The following RGS22 variants were observed in gnomAD, a reference collection of about 807,000 sequenced individuals.
RGS22 encodes the protein regulator of G-protein signaling 22.
Under a neutral mutation model 172.9 loss-of-function variants are expected in RGS22, and 148 were observed. The ratio of observed to expected loss-of-function variants is 0.86; its 90% CI spans 0.75 to 0.98. RGS22 has a LOEUF of 0.98. RGS22 is among the 50% of genes least tolerant of loss of function. RGS22 has a pLI of 0.00. For synonymous variants in RGS22, 458 were observed against 480.2 expected, an observed-to-expected ratio of 0.95 and a Z score of 0.60; for missense variants, 1,347 against 1,440.8, an observed-to-expected ratio of 0.93 and a Z score of 1.05.
intron 14 of RGS22, among the ~76,000 whole-genome samples, chr8:100,032,400 A>G (rs1818919025): frequency 6.6e-6 from 1 of 152,150 alleles, no homozygotes; most frequent in Non-Finnish European, 1.5e-5. Context: ...TAAACCAACA[A>G]AGATCAAAAG....
rs772018506 is a variant in RGS22 at position 99,962,721 on chromosome 8, A to T, written c.3756T>A (p.Ser1252=). 6.2e-7 allele frequency: 1 copy of T among 1,611,688 alleles called. No individual in the cohort carries two copies. Among genetic ancestry groups the T allele is most frequent in the Non-Finnish European group, 8.5e-7 (1 of 1,179,406 alleles). The part of the protein sequence containing the change: ...TNFKASSSTM[S]LKKNMSAHSS... Reference sequence around the variant, plus strand: ...TGTGGGCAGACATATTCTTTTTCAAAGACATAGTTGAAGAGCTAGCCTTAA... The same window carrying T: ...TGTGGGCAGACATATTCTTTTTCAATGACATAGTTGAAGAGCTAGCCTTAA... Residue 1252 remains serine, a synonymous_variant, in exon 26 of 28, where the codon TCT becomes TCA. Coordinates refer to ENST00000360863, the MANE Select transcript of RGS22 (RefSeq NM_015668.5).
At chr8:99,966,459 G>GA (rs141241510) in intron 23 of RGS22, among the ~76,000 whole-genome samples, 8 of 149,392 alleles carry the variant, frequency 5.4e-5, no homozygotes, top group African/African-American at 9.8e-5. Flanking sequence ...CTTAAAAAAA[G>GA]AAAAAAAAAC....
chr8:100,101,640 T>C (rs1195279717), intron 2 of RGS22, among the ~76,000 whole-genome samples: 1 of 151,822 alleles, frequency 6.6e-6, no homozygotes, highest in Non-Finnish European at 1.5e-5. Context: ...CTTTAAACTT[T>C]CTCAATGTGT....
At chr8:100,083,671 T>G (rs1358513664) in intron 3 of RGS22, among the ~76,000 whole-genome samples, 1 of 151,596 alleles carries the variant, frequency 6.6e-6, no homozygotes, top group African/African-American at 2.4e-5. Context: ...CAGCCAACAA[T>G]TACTTTTATA....
chr8:100,055,467 A>G (rs1465629485), intron 9 of RGS22, among the ~76,000 whole-genome samples: 1 of 152,224 alleles, frequency 6.6e-6, no homozygotes, highest in African/African-American at 2.4e-5. Flanking sequence ...AGCTTATATC[A>G]CAATACCCAA....
At chr8:100,022,800 C>G (rs1817756298) in intron 14 of RGS22, among the ~76,000 whole-genome samples, 1 of 151,906 alleles carries the variant, frequency 6.6e-6, no homozygotes, top group South Asian at 2.1e-4. Flanking sequence ...GGTTGGAGTG[C>G]AGTGGCGCAG....
chr8:100,024,907 A>C (rs1818007723), intron 14 of RGS22, among the ~76,000 whole-genome samples: 1 of 152,142 alleles, frequency 6.6e-6, no homozygotes, highest in Non-Finnish European at 1.5e-5. Context: ...AGAACCTAAC[A>C]GAAACATTAA....
At chr8:100,104,526 A>C (rs1813770586) in intron 2 of RGS22, among the ~76,000 whole-genome samples, 1 of 152,036 alleles carries the variant, frequency 6.6e-6, no homozygotes, top group African/African-American at 2.4e-5. Context: ...GAGCTCTGGA[A>C]AGGTGAATGT....
intron 3 of RGS22, among the ~76,000 whole-genome samples, chr8:100,086,088 A>G (rs1812139696): frequency 1.3e-5 from 2 of 152,150 alleles, no homozygotes; most frequent in Admixed American, 1.3e-4. Context: ...TAGACAAGGG[A>G]GAAGAGGGGG....
At chr8:100,031,274 AT>A (rs201055834) in intron 14 of RGS22, among the ~76,000 whole-genome samples, 4 of 151,374 alleles carry the variant, frequency 2.6e-5, no homozygotes, top group East Asian at 3.9e-4. Context: ...ACATTCTGTG[AT>A]TTTTTTTTGC....
chr8:100,005,626 G>A (rs911681465), intron 16 of RGS22, among the ~76,000 whole-genome samples: 9 of 151,908 alleles, frequency 5.9e-5, no homozygotes, highest in African/African-American at 9.7e-5. Context: ...TCGCTGTCAC[G>A]CAACAGTTTC....
intron 14 of RGS22, among the ~76,000 whole-genome samples, chr8:100,025,848 C>CG (rs1323191381): frequency 6.6e-6 from 1 of 152,160 alleles, no homozygotes; most frequent in Non-Finnish European, 1.5e-5. Flanking sequence ...CCAAATTTTA[C>CG]GGGGGAGGAG....
chr8:100,051,756 T>TAC (rs1821510236), intron 10 of RGS22, among the ~76,000 whole-genome samples: 1 of 88,150 alleles, frequency 1.1e-5, no homozygotes, highest in African/African-American at 4.5e-5. Context: ...TATTTATATA[T>TAC]TTATATATAA....
intron 10 of RGS22, among the ~76,000 whole-genome samples, chr8:100,051,222 G>C (rs1821242366): frequency 6.6e-6 from 1 of 151,182 alleles, no homozygotes; most frequent in African/African-American, 2.4e-5. Flanking sequence ...CCTCAAAGAA[G>C]AGCAAGGAGA....
chr8:100,105,760 G>A (rs555921711), intron 1 of RGS22, 137 bp downstream of exon 1: 12 of 704,218 alleles, frequency 1.7e-5, no homozygotes, highest in Non-Finnish European at 2.1e-5. Flanking sequence ...CCAACAGGAG[G>A]GCAGTGAAGC....
At chr8:100,017,557 A>G (rs1408455199) in intron 14 of RGS22, among the ~76,000 whole-genome samples, 2 of 152,192 alleles carry the variant, frequency 1.3e-5, no homozygotes, top group Non-Finnish European at 2.9e-5. Flanking sequence ...ATGTCTTTCT[A>G]ATAATCCAAG....
At chr8:100,043,478 C>T (rs1343163202) in intron 11 of RGS22, among the ~76,000 whole-genome samples, 1 of 152,044 alleles carries the variant, frequency 6.6e-6, no homozygotes, top group Admixed American at 6.6e-5. Context: ...CTAGACTAAC[C>T]AAGAGAAACC....
intron 14 of RGS22, among the ~76,000 whole-genome samples, chr8:100,019,581 G>A (rs1817379551): frequency 6.6e-6 from 1 of 152,174 alleles, no homozygotes; most frequent in Non-Finnish European, 1.5e-5. Flanking sequence ...CTAGTTGACA[G>A]CACATCTCGT....
At chr8:100,077,914 T>G (rs1021473450) in intron 4 of RGS22, among the ~76,000 whole-genome samples, 11 of 152,376 alleles carry the variant, frequency 7.2e-5, no homozygotes, top group Admixed American at 3.9e-4. Context: ...TCGGTGCATA[T>G]ATGAGTTGTT....
Sources: allele counts gnomAD v4.1 joint callset (sites outside exome capture counted in the v4.1 genomes callset), GRCh38; gene constraint gnomAD v4.1.1; transcripts MANE v1.5; gene names NCBI Gene and HGNC (gene_info 2026-07-23, HGNC 2026-07-21).